The following TENM3 variants were observed in gnomAD, a reference collection of about 807,000 sequenced individuals.
The protein encoded by TENM3 is teneurin transmembrane protein 3, also known as teneurin-3.
TENM3 carries 63 observed loss-of-function variants against 255.1 expected under a neutral mutation model. The ratio of observed to expected loss-of-function variants is 0.25; its 90% CI spans 0.20 to 0.30. The LOEUF is 0.30. TENM3 is among the 10% of genes least tolerant of loss of function. The probability of loss-of-function intolerance (pLI) is 1.00; values close to 1 mark genes in which losing one functional copy is unlikely to be tolerated. For synonymous variants in TENM3, 1,306 were observed against 1,322.3 expected (o/e 0.99, Z 0.27); for missense variants, 2,929 against 3,461.1 (o/e 0.85, Z 3.86).
chr4:182,321,802 G>A lies in TENM3; in HGVS notation c.-75-2144G>A, dbSNP rs144728567. ...GTATTAAAAATACAAAGAAGTAGCC[G>A]GATGTGGTGGTGAGCTCCTATAGTC... On this transcript the variant is annotated intron_variant, in intron 1 of 27. Coordinates refer to ENST00000511685, the MANE Select transcript of TENM3 (RefSeq NM_001080477.4). Among the ~76,000 whole-genome samples the A allele has an allele frequency of 2.9e-3, 442 of 151,960 alleles. 3 individuals carry two copies. Among genetic ancestry groups the A allele is most frequent in the African/African-American group, 0.01 (423 of 41,458 alleles).
intron 3 of TENM3, among the ~76,000 whole-genome samples, chr4:182,584,667 T>G (rs1235759194): frequency 6.6e-6 from 1 of 151,624 alleles, no homozygotes; most frequent in Non-Finnish European, 1.5e-5. Context: ...TGAGACGGAG[T>G]ATTATTCTGT....
At chr4:181,986,538 G>T in the TENM3 span, among the ~76,000 whole-genome samples, 2 of 151,952 alleles carry the variant, frequency 1.3e-5, no homozygotes, top group Non-Finnish European at 2.9e-5. Flanking sequence ...TTTGCCCTTG[G>T]TATCAGTCTC....
the TENM3 span, among the ~76,000 whole-genome samples, chr4:181,554,547 T>G: frequency 6.6e-6 from 1 of 152,184 alleles, no homozygotes; most frequent in African/African-American, 2.4e-5. Flanking sequence ...CTTCCTAGAA[T>G]TGAAGAAAAT....
the TENM3 span, among the ~76,000 whole-genome samples, chr4:181,592,368 A>C: frequency 6.8e-6 from 1 of 147,158 alleles, no homozygotes; most frequent in East Asian, 2.0e-4. Context: ...AAGATGACTA[A>C]GTTTAAAGAG....
intron 22 of TENM3, among the ~76,000 whole-genome samples, chr4:182,771,676 G>A (rs1008018408): frequency 1.3e-5 from 2 of 152,164 alleles, no homozygotes; most frequent in Non-Finnish European, 2.9e-5. Context: ...CAATAATTCT[G>A]TAACTCTGCG....
intron 3 of TENM3, among the ~76,000 whole-genome samples, chr4:182,493,926 T>C (rs569685143): frequency 6.6e-6 from 1 of 152,306 alleles, no homozygotes; most frequent in Non-Finnish European, 1.5e-5. Context: ...ATCTTCAGTG[T>C]ATTTGCTAAA....
Position 182,445,229 on chromosome 4 carries a change from G to C in TENM3, c.511+98300G>C, listed in dbSNP as rs78625564. On this transcript the variant is annotated intron_variant, in intron 3 of 27. Transcript: ENST00000511685. ...TTAGGCCCAAGCACTCTGTAACTAT[G>C]TGGGCACATGATTAACTTCTCTAAG... 3.3e-5 allele frequency among the ~76,000 whole-genome samples: 5 copies of C among 152,282 alleles called. No individual in the cohort carries two copies. The South Asian group carries it at 1.0e-3, about 32-fold the overall frequency.
At chr4:181,808,805 TG>T in the TENM3 span, among the ~76,000 whole-genome samples, 3 of 152,292 alleles carry the variant, frequency 2.0e-5, no homozygotes, top group African/African-American at 4.8e-5. Context: ...GATCACATAC[TG>T]GGTACACACA....
At chr4:181,982,121 GA>G in the TENM3 span, among the ~76,000 whole-genome samples, 1 of 152,102 alleles carries the variant, frequency 6.6e-6, no homozygotes, top group Non-Finnish European at 1.5e-5. Flanking sequence ...GGGAGTAGAA[GA>G]GAAAACAATG....
the TENM3 span, among the ~76,000 whole-genome samples, chr4:182,001,276 G>A: frequency 7.2e-5 from 11 of 151,894 alleles, no homozygotes; most frequent in Non-Finnish European, 1.6e-4. Flanking sequence ...GCTGCACATC[G>A]AAGAAACAAA....
Position 182,802,438 on chromosome 4 carries a change from A to AT in TENM3, c.*2090dup, listed in dbSNP as rs1343128382. ...TTCCGTGGAACTTCTGCAGGCCTGT[A>AT]TTTAGCATGCTGTAAGTACTTTTGG... On this transcript the variant is annotated 3_prime_UTR_variant, in exon 28 of 28. Transcript: ENST00000511685. 1 of 152,614 alleles carries AT rather than the reference A, an allele frequency of 6.6e-6. No individual in the cohort carries two copies. The highest frequency in any genetic ancestry group is 1.5e-5 in the Non-Finnish European group (1 of 68,026). The allele number at this position is 152,614 out of a possible 1,614,324, so 9.5% of individuals were successfully genotyped here.
chr4:181,527,166 C>T, the TENM3 span, among the ~76,000 whole-genome samples: 1 of 152,134 alleles, frequency 6.6e-6, no homozygotes, highest in Non-Finnish European at 1.5e-5. Context: ...TCATGAATGT[C>T]TTTTGTATGT....
At chr4:182,444,021 T>C (rs1772709435) in intron 3 of TENM3, among the ~76,000 whole-genome samples, 1 of 152,206 alleles carries the variant, frequency 6.6e-6, no homozygotes, top group Admixed American at 6.5e-5. Context: ...TAAATATGTC[T>C]ATTGTGGGTG....
the TENM3 span, among the ~76,000 whole-genome samples, chr4:181,493,433 A>G: frequency 6.6e-6 from 1 of 152,256 alleles, no homozygotes; most frequent in East Asian, 1.9e-4. Context: ...GGAGTGGTTT[A>G]AGGTTATAGA....
At chr4:181,468,460 T>G in the TENM3 span, among the ~76,000 whole-genome samples, 2 of 152,212 alleles carry the variant, frequency 1.3e-5, no homozygotes, top group African/African-American at 4.8e-5. Flanking sequence ...TAGAGCAATT[T>G]CTATTTCTGC....
At chr4:182,520,904 C>T (rs969052859) in intron 3 of TENM3, among the ~76,000 whole-genome samples, 3 of 151,996 alleles carry the variant, frequency 2.0e-5, no homozygotes, top group Non-Finnish European at 2.9e-5. Context: ...ATTCCCTTGC[C>T]GTTGCAGCTT....
At chr4:181,544,861 T>C in the TENM3 span, among the ~76,000 whole-genome samples, 1 of 152,228 alleles carries the variant, frequency 6.6e-6, no homozygotes, top group Non-Finnish European at 1.5e-5. Flanking sequence ...ACAGTGGGTC[T>C]TCATAGAGAG....
the TENM3 span, among the ~76,000 whole-genome samples, chr4:181,501,836 T>C: frequency 6.6e-6 from 1 of 152,178 alleles, no homozygotes; most frequent in Non-Finnish European, 1.5e-5. Flanking sequence ...TTCAAGTCGG[T>C]GCTATAGAGT....
chr4:182,381,625 G>C (rs528334178), intron 3 of TENM3, among the ~76,000 whole-genome samples: 2 of 139,194 alleles, frequency 1.4e-5, no homozygotes, highest in African/African-American at 5.4e-5. Flanking sequence ...GTGTGATCTC[G>C]ATCTCGGCTC....
Sources: gnomAD v4.1 joint callset for allele counts (sites outside exome capture counted in the v4.1 genomes callset) on GRCh38, gnomAD v4.1.1 for gene constraint, MANE v1.5 for transcripts, NCBI Gene and HGNC (gene_info 2026-07-23, HGNC 2026-07-21) for gene names.